ATG7: variants seen among roughly 807,000 people sequenced by gnomAD.
The protein encoded by ATG7 is ubiquitin-like modifier-activating enzyme ATG7.
Under a neutral mutation model 82.4 loss-of-function variants are expected in ATG7, and 70 were observed. That is an observed-to-expected ratio of 0.85 (90% CI 0.70 to 1.04). The LOEUF is 1.04. ATG7 is among the 50% of genes least tolerant of loss of function. The pLI is 0.00. For missense variants in ATG7, 792 were observed against 864.3 expected, an observed-to-expected ratio of 0.92 and a Z score of 1.05; for synonymous variants, 287 against 313.0, an observed-to-expected ratio of 0.92 and a Z score of 0.88.
At chr3:11,453,714 T>C (rs2085423818) in intron 20 of ATG7, among the ~76,000 whole-genome samples, 1 of 152,074 alleles carries the variant, frequency 6.6e-6, no homozygotes, top group Admixed American at 6.5e-5. Context: ...GAATTGGCAA[T>C]TGTGTGTCCC....
At position 11,380,045 on chromosome 3, in the gene ATG7, C is replaced by T. The variant is rs1387279728; in HGVS notation, c.1949C>T (p.Ser650Phe). Residue 650 changes from serine (S) to phenylalanine (F), a missense_variant, in exon 19 of 21, where the codon TCT (serine) becomes TTT (phenylalanine). Physicochemically the swap from Ser to Phe is radical, Grantham distance 155 (BLOSUM62 -2). Coordinates refer to ENST00000693202, the MANE Select transcript of ATG7 (RefSeq NM_001349232.2). ...SLAFDKCTAC[S>F]SKVLDQYERE... ...GCATTTGACAAATGTACAGCTTGTT[C>T]TTCCAAAGTAAGTCATTTTGTATTG... 4 of 1,613,690 alleles carry T rather than the reference C, an allele frequency of 2.5e-6. No individual in the cohort carries two copies.
chr3:11,558,284 G>A (rs1302917500), downstream of ATG7: 4 of 549,310 alleles, frequency 7.3e-6, no homozygotes, highest in Non-Finnish European at 1.3e-5. Context: ...CTGCATCAGA[G>A]GTTTCTTTGG....
At chr3:11,309,656 C>T (rs1170254284) in intron 7 of ATG7, among the ~76,000 whole-genome samples, 1 of 152,056 alleles carries the variant, frequency 6.6e-6, no homozygotes, top group African/African-American at 2.4e-5. Flanking sequence ...TATAGAGATA[C>T]CAGCTATGCA....
At chr3:11,408,486 T>C (rs1346605611) in intron 19 of ATG7, among the ~76,000 whole-genome samples, 1 of 152,196 alleles carries the variant, frequency 6.6e-6, no homozygotes, top group Non-Finnish European at 1.5e-5. Flanking sequence ...CAACACCCCA[T>C]TCCTGGTACC....
intron 19 of ATG7, among the ~76,000 whole-genome samples, chr3:11,414,704 G>A (rs375578811): frequency 1.3e-5 from 2 of 152,174 alleles, no homozygotes; most frequent in African/African-American, 4.8e-5. Flanking sequence ...TAGAGATTTT[G>A]TGGATGTTCT....
chr3:11,460,745 C>T (rs1576574697), intron 20 of ATG7, among the ~76,000 whole-genome samples: 1 of 152,156 alleles, frequency 6.6e-6, no homozygotes, highest in African/African-American at 2.4e-5. Context: ...CAAATAATAT[C>T]TATACAGTGA....
chr3:11,300,150 C>T (rs760970001), intron 5 of ATG7, among the ~76,000 whole-genome samples: 15 of 152,162 alleles, frequency 9.9e-5, no homozygotes, highest in Admixed American at 1.3e-4. Flanking sequence ...AGATCTTGAA[C>T]TCCTGACTTC....
At position 11,333,094 on chromosome 3, in the gene ATG7, G is replaced by T; in HGVS notation, c.889+1G>T. 1.9e-6 allele frequency: 3 copies of T among 1,547,744 alleles called. No homozygotes were observed. Among genetic ancestry groups the T allele is most frequent in the Non-Finnish European group, 2.6e-6 (3 of 1,152,016 alleles). ...CTTCCAGAAATGGCATTTAGCCCAG[G>T]TAATTTGCCGGTCTTTGAAAATGCA... is the stretch of plus-strand genomic sequence containing the variant. On this transcript the variant is annotated splice_donor_variant, in intron 11 of 20. Coordinates refer to ENST00000693202, the MANE Select transcript of ATG7 (RefSeq NM_001349232.2). LOFTEE classifies it high-confidence loss of function.
chr3:11,480,694 G>C (rs2088857785), intron 20 of ATG7, among the ~76,000 whole-genome samples: 1 of 152,190 alleles, frequency 6.6e-6, no homozygotes, highest in Admixed American at 6.5e-5. Flanking sequence ...TTCTTTGAAA[G>C]CTTTGCTCAC....
At chr3:11,331,110 C>A (rs1951580117) in intron 9 of ATG7, among the ~76,000 whole-genome samples, 1 of 152,176 alleles carries the variant, frequency 6.6e-6, no homozygotes, top group African/African-American at 2.4e-5. Flanking sequence ...AGGCACAATG[C>A]AAGGCACAGG....
intron 5 of ATG7, among the ~76,000 whole-genome samples, chr3:11,303,695 T>C (rs926775813): frequency 6.6e-6 from 1 of 150,494 alleles, no homozygotes; most frequent in Non-Finnish European, 1.5e-5. Flanking sequence ...TTTTCCTTTC[T>C]CTGGGCCTCA....
At chr3:11,570,366 TGCCG>T in the ATG7 span, among the ~76,000 whole-genome samples, 1 of 152,140 alleles carries the variant, frequency 6.6e-6, no homozygotes, top group Non-Finnish European at 1.5e-5. Context: ...AGTGCGGAGA[TGCCG>T]GCCACCAAGG....
At chr3:11,538,349 G>A (rs2070503722) in intron 20 of ATG7, among the ~76,000 whole-genome samples, 1 of 152,142 alleles carries the variant, frequency 6.6e-6, no homozygotes, top group African/African-American at 2.4e-5. Flanking sequence ...CCTTTTGCCA[G>A]ACCTAATTGC....
intron 20 of ATG7, among the ~76,000 whole-genome samples, chr3:11,453,372 A>G (rs990268030): frequency 5.9e-5 from 9 of 152,184 alleles, no homozygotes; most frequent in Non-Finnish European, 1.2e-4. Flanking sequence ...AATACTAGAA[A>G]ACTCAGAGGG....
At chr3:11,415,921 GTTTA>G (rs58374085) in intron 19 of ATG7, among the ~76,000 whole-genome samples, 1 of 152,266 alleles carries the variant, frequency 6.6e-6, no homozygotes, top group South Asian at 2.1e-4. Context: ...CAGCACAGTA[GTTTA>G]TTTACACCAG....
rs1198842123 is a variant in ATG7 at position 11,555,393 on chromosome 3, C to CACATG, written c.*553_*557dup. The stretch of plus-strand genomic sequence containing the variant: ...GAGCTGGGTACGAGACTAAAGGGCC[C>CACATG]ACATGACCCAGTGACGCCAGATTTC... On this transcript the variant is annotated 3_prime_UTR_variant, in exon 21 of 21. Transcript: ENST00000693202. 1 of 153,794 alleles carries CACATG rather than the reference C, an allele frequency of 6.5e-6. No individual in the cohort carries two copies. The highest frequency in any genetic ancestry group is 1.4e-5 in the Non-Finnish European group (1 of 69,228). 9.5% of individuals were successfully genotyped at this position (153,794 alleles called of 1,614,324 possible).
intron 14 of ATG7, among the ~76,000 whole-genome samples, chr3:11,349,121 T>C (rs1455416489): frequency 1.3e-5 from 2 of 152,134 alleles, no homozygotes; most frequent in African/African-American, 4.8e-5. Flanking sequence ...GGTGTGTTTT[T>C]ACAGAGTGCT....
At chr3:11,528,825 CAAAAA>C (rs11377789) in intron 20 of ATG7, among the ~76,000 whole-genome samples, 2 of 88,746 alleles carry the variant, frequency 2.3e-5, no homozygotes, top group Non-Finnish European at 4.7e-5. Context: ...GACTCCATCT[CAAAAA>C]AAAAAAAAAA....
intron 20 of ATG7, among the ~76,000 whole-genome samples, chr3:11,531,602 A>G (rs1393417236): frequency 2.0e-5 from 3 of 152,218 alleles, no homozygotes; most frequent in East Asian, 1.9e-4. Context: ...GCCAGGTGCA[A>G]TGGCTCATGC....
Sources: allele counts gnomAD v4.1 joint callset (sites outside exome capture counted in the v4.1 genomes callset), GRCh38; gene constraint gnomAD v4.1.1; transcripts MANE v1.5; gene names NCBI Gene and HGNC (gene_info 2026-07-23, HGNC 2026-07-21).